PFKM: variants seen among roughly 807,000 people sequenced by gnomAD.
PFKM encodes the protein ATP-dependent 6-phosphofructokinase, muscle type.
PFKM carries 58 observed loss-of-function variants against 95.5 expected under a neutral mutation model. That is an observed-to-expected ratio of 0.61 (90% CI 0.49 to 0.76). The LOEUF is 0.76. Among genes scored for constraint, PFKM ranks in the 30% least tolerant of loss-of-function variants. The pLI is 0.00. For missense variants in PFKM, 678 were observed against 1,005.4 expected, an observed-to-expected ratio of 0.67 and a Z score of 4.40; for synonymous variants, 336 against 357.2, an observed-to-expected ratio of 0.94 and a Z score of 0.67.
chr12:48,126,290 G>A (rs1268235423), intron 2 of PFKM, among the ~76,000 whole-genome samples: 1 of 152,154 alleles, frequency 6.6e-6, no homozygotes, highest in Non-Finnish European at 1.5e-5. Context: ...AAGAATTACC[G>A]GGGCTCCTTA....
chr12:48,123,650 G>T (rs1450420657), intron 2 of PFKM, among the ~76,000 whole-genome samples: 1 of 152,206 alleles, frequency 6.6e-6, no homozygotes, highest in East Asian at 1.9e-4. Context: ...GAAGGAAAGC[G>T]ATTTCAGCTA....
At chr12:48,131,629 G>A (rs1338920990) in intron 4 of PFKM, 1 of 562,486 alleles carries the variant, frequency 1.8e-6, no homozygotes, top group East Asian at 3.2e-5. Flanking sequence ...TTTATGGAAA[G>A]GTCATAAACA....
chr12:48,142,635 C>T (rs968247194), intron 17 of PFKM, 147 bp from the exon 18 acceptor site: 2 of 792,130 alleles, frequency 2.5e-6, no homozygotes, highest in African/African-American at 3.4e-5. Flanking sequence ...GCCTGTTACC[C>T]TAAATGCAAG....
intron 13 of PFKM, 39 bp from the exon 14 acceptor site, chr12:48,140,683 G>C: frequency 1.2e-6 from 2 of 1,612,126 alleles, no homozygotes; most frequent in East Asian, 2.2e-5. Context: ...TCCCCTGCTG[G>C]GTTTCTGTCC....
chr12:48,106,008 A>G (rs1203798828), exon 1 of PFKM: 2 of 700,888 alleles, frequency 2.9e-6, no homozygotes, highest in Non-Finnish European at 5.2e-6. Context: ...CCCCTCCCCC[A>G]GCTTCCCGCC....
At chr12:48,141,207 AG>A in intron 14 of PFKM, 103 bp from the exon 15 acceptor site, 1 of 1,090,568 alleles carries the variant, frequency 9.2e-7, no homozygotes, top group South Asian at 1.2e-5. Flanking sequence ...TTTCCAACCA[AG>A]GGGGATCCAG....
At chr12:48,134,628 A>G (rs1024443531) in intron 7 of PFKM, 93 bp from the exon 8 acceptor site, 4 of 968,314 alleles carry the variant, frequency 4.1e-6, no homozygotes, top group African/African-American at 1.6e-5. Context: ...CAGACCTTTT[A>G]TCAACTATGA....
chr12:48,137,911 A>G, intron 11 of PFKM, 65 bp downstream of exon 11: 1 of 1,550,672 alleles, frequency 6.4e-7, no homozygotes, highest in Admixed American at 1.7e-5. Flanking sequence ...CTCAAGGGGC[A>G]TGAGACTATG....
intron 9 of PFKM, 120 bp downstream of exon 9, chr12:48,135,158 C>T: frequency 3.7e-6 from 4 of 1,082,582 alleles, no homozygotes; most frequent in Non-Finnish European, 5.7e-6. Flanking sequence ...TGGTTCCCTG[C>T]CCCTGATTGC....
At chr12:48,139,527 CT>C (rs1398542945) in intron 12 of PFKM, 178 bp downstream of exon 12, 2 of 661,546 alleles carry the variant, frequency 3.0e-6, no homozygotes, top group Admixed American at 4.4e-5. Context: ...CTCAGTTCAT[CT>C]CAGGGGTGTG....
In PFKM at chr12:48,133,014, C is replaced by T. The variant is rs771979702; in HGVS notation, c.384C>T (p.Phe128=). 5 of 1,614,040 alleles carry T rather than the reference C, an allele frequency of 3.1e-6. No homozygotes were observed. The highest frequency in any genetic ancestry group is 4.2e-6 in the Non-Finnish European group (5 of 1,180,042). Residue 128 remains phenylalanine, a synonymous_variant, in exon 5 of 23, where the codon TTC becomes TTT. Coordinates refer to ENST00000359794, the MANE Select transcript of PFKM (RefSeq NM_000289.6). Reference sequence around the variant, plus strand: ...GCAGCCTCACTGGGGCTGACACCTTCCGTTCTGAGTGGAGTGACTTGTTGA... The same window carrying T: ...GCAGCCTCACTGGGGCTGACACCTTTCGTTCTGAGTGGAGTGACTTGTTGA... ...GDGSLTGADT[F]RSEWSDLLSD...
At chr12:48,106,210 T>C in intron 1 of PFKM, 1 of 671,062 alleles carries the variant, frequency 1.5e-6, no homozygotes, top group Non-Finnish European at 2.7e-6. Context: ...GCCTGCGCGG[T>C]GTGGCGAGGC....
At chr12:48,108,135 A>C (rs371183330) in exon 3 of PFKM, 2 of 1,598,942 alleles carry the variant, frequency 1.3e-6, no homozygotes, top group African/African-American at 1.3e-5. Flanking sequence ...GACATCTTGA[A>C]GAGTCTAGAT....
rs768149447 is a variant in PFKM, at chr12:48,137,818, G to T, written c.1034G>T (p.Arg345Leu). The T allele has an allele frequency of 1.9e-6, 3 of 1,613,994 alleles. No homozygotes were observed. The highest frequency in any genetic ancestry group is 1.7e-6 in the Non-Finnish European group (2 of 1,179,994). The change falls in exon 11 of 23, where the codon CGC becomes CTC. Residue 345 changes from arginine (R) to leucine (L), a missense_variant. Arg to Leu is a moderately radical substitution (Grantham distance 102, BLOSUM62 -2). Transcript: ENST00000359794. ...AGCCTCTCTGGTAACCAGGCTGTGC[G>T]CCTGCCCCTCATGGAATGTGTCCAG... The part of the protein sequence containing the change: ...VVSLSGNQAV[R>L]LPLMECVQVT...
intron 11 of PFKM, among the ~76,000 whole-genome samples, chr12:48,138,252 T>G (rs984648224): frequency 1.3e-5 from 2 of 152,228 alleles, no homozygotes; most frequent in African/African-American, 4.8e-5. Context: ...AACATGTTTC[T>G]CTGAACCAAC....
intron 6 of PFKM, among the ~76,000 whole-genome samples, chr12:48,133,868 G>A (rs1240486297): frequency 2.0e-5 from 3 of 152,172 alleles, no homozygotes; most frequent in Admixed American, 6.5e-5. Context: ...GACCTGGGGG[G>A]AGGCAATGTA....
intron 2 of PFKM, among the ~76,000 whole-genome samples, chr12:48,107,803 C>T (rs969529744): frequency 6.6e-6 from 1 of 152,188 alleles, no homozygotes; most frequent in East Asian, 1.9e-4. Flanking sequence ...ATAACTGACA[C>T]TCCAAAACTA....
chr12:48,139,375 A>G, intron 12 of PFKM, 26 bp downstream of exon 12: 1 of 1,590,678 alleles, frequency 6.3e-7, no homozygotes, highest in Non-Finnish European at 8.6e-7. Flanking sequence ...GAAGCTCACT[A>G]GCTACAGAAA....
chr12:48,135,158 C>A, intron 9 of PFKM, 120 bp downstream of exon 9: 1 of 1,082,578 alleles, frequency 9.2e-7, no homozygotes, highest in East Asian at 2.4e-5. Context: ...TGGTTCCCTG[C>A]CCCTGATTGC....
Sources: gnomAD v4.1 joint callset for allele counts (sites outside exome capture counted in the v4.1 genomes callset) on GRCh38, gnomAD v4.1.1 for gene constraint, MANE v1.5 for transcripts, NCBI Gene and HGNC (gene_info 2026-07-23, HGNC 2026-07-21) for gene names.